ZAP70: variants seen among roughly 807,000 people sequenced by gnomAD.
The protein encoded by ZAP70 is tyrosine-protein kinase ZAP-70.
In ZAP70, 27 loss-of-function variants were observed where a neutral mutation model predicts 65.8. The ratio of observed to expected loss-of-function variants is 0.41; its 90% CI spans 0.30 to 0.57. ZAP70 has a LOEUF of 0.57. Ranked by LOEUF, ZAP70 falls within the 20% of genes least tolerant of loss-of-function variation. The pLI is 0.28. For missense variants in ZAP70, 696 were observed against 870.5 expected, an observed-to-expected ratio of 0.80 and a Z score of 2.52; for synonymous variants, 363 against 360.8, an observed-to-expected ratio of 1.01 and a Z score of -0.07.
Position 97,733,180 on chromosome 2 carries a change from C to T in ZAP70, c.758C>T (p.Ala253Val). 6.2e-7 allele frequency: 1 copy of T among 1,613,772 alleles called. No individual in the cohort carries two copies. The highest frequency in any genetic ancestry group is 2.2e-5 in the East Asian group (1 of 44,884). Residue 253 changes from alanine (A) to valine (V), a missense_variant, in exon 6 of 14, where the codon GCC becomes GTC. Ala to Val is a moderately conservative substitution (Grantham distance 64). Coordinates refer to ENST00000264972, the MANE Select transcript of ZAP70 (RefSeq NM_001079.4). ...GGGCTCATCTACTGCCTGAAGGAGG[C>T]CTGCCCCAACAGCAGTGCCAGCAAC... is the stretch of plus-strand genomic sequence containing the variant. ...ADGLIYCLKE[A>V]CPNSSASNAS...
Position 97,724,770 on chromosome 2 carries a change from C to CT in ZAP70, c.403-320dup, listed in dbSNP as rs1677312055. On this transcript the variant is annotated intron_variant, in intron 3 of 13. Transcript: ENST00000264972. ...AGGGTGCGCGGGGCTAGGGTGAGCC[C>CT]TTAGGGTAGGGTGGCTGTTGGGGAA... is the stretch of plus-strand genomic sequence containing the variant. The CT allele has an allele frequency of 3.3e-6, 5 of 1,505,680 alleles. No homozygotes were observed. The Admixed American group carries it at 1.0e-4, about 30-fold the overall frequency. The allele number at this position is 1,505,680 out of a possible 1,614,324, so 93.3% of individuals were successfully genotyped here.
intron 4 of ZAP70, among the ~76,000 whole-genome samples, chr2:97,727,440 G>C (rs1305147860): frequency 6.6e-6 from 1 of 152,136 alleles, no homozygotes; most frequent in Non-Finnish European, 1.5e-5. Context: ...GGCTGGTCCA[G>C]GTATTACCCA....
At chr2:97,748,025 A>G in the ZAP70 span, among the ~76,000 whole-genome samples, 1 of 152,010 alleles carries the variant, frequency 6.6e-6, no homozygotes, top group Non-Finnish European at 1.5e-5. Flanking sequence ...CCAGTGTGGG[A>G]AACACTGACG....
intron 2 of ZAP70, among the ~76,000 whole-genome samples, chr2:97,719,459 C>T (rs1423513292): frequency 2.7e-5 from 4 of 150,662 alleles, no homozygotes; most frequent in African/African-American, 4.9e-5. Flanking sequence ...TCATAGGTGT[C>T]GGCCATTCAG....
intron 4 of ZAP70, chr2:97,732,604 G>C (rs1021416849): frequency 3.7e-6 from 2 of 540,980 alleles, no homozygotes; most frequent in South Asian, 2.0e-5. Flanking sequence ...TCCACCGTGG[G>C]GGGTCAGGTA....
Position 97,720,133 on chromosome 2 carries a change from G to A in ZAP70, c.-21-3883G>A, listed in dbSNP as rs1208269938. 1.3e-5 allele frequency among the ~76,000 whole-genome samples: 2 copies of A among 152,140 alleles called. 1 individual carries two copies. The highest frequency in any genetic ancestry group is 3.8e-4 in the East Asian group (2 of 5,198). On this transcript the variant is annotated intron_variant, in intron 2 of 13. Transcript: ENST00000264972. ...ATTTTTGGCAACTGTGGCTAGTACG[G>A]CTATAAATGTTCCTGTGTAGGTTTT...
chr2:97,724,124 G>A lies in ZAP70; in HGVS notation c.88G>A (p.Ala30Thr). ...AEEHLKLAGM[A>T]DGLFLLRQCL... ...GGAGCACCTGAAGCTGGCGGGCATG[G>A]CGGACGGGCTCTTCCTGCTGCGCCA... Residue 30 changes from alanine (A) to threonine (T), a missense_variant, in exon 3 of 14, where the codon GCG becomes ACG. Physicochemically the swap from Ala to Thr is moderately conservative, Grantham distance 58. This residue lies in a region of ZAP70 where 551 missense variants were observed against 630.0 expected (regional missense o/e 0.87). Transcript: ENST00000264972. 1.3e-6 allele frequency: 2 copies of A among 1,567,342 alleles called. No homozygotes were observed. The highest frequency in any genetic ancestry group is 2.3e-5 in the East Asian group (1 of 42,562).
downstream of ZAP70, among the ~76,000 whole-genome samples, chr2:97,743,243 G>A (rs1292280182): frequency 1.3e-5 from 2 of 152,144 alleles, no homozygotes; most frequent in Non-Finnish European, 2.9e-5. Flanking sequence ...CTCCACTTCC[G>A]CTTCTGTGGA....
chr2:97,753,895 G>T, the ZAP70 span, among the ~76,000 whole-genome samples: 1 of 152,174 alleles, frequency 6.6e-6, no homozygotes. Flanking sequence ...AGACTGAGGT[G>T]GGAGAGCTGC....
chr2:97,721,950 A>AT (rs1573257902), intron 2 of ZAP70, among the ~76,000 whole-genome samples: 1 of 147,894 alleles, frequency 6.8e-6, no homozygotes, highest in East Asian at 2.0e-4. Flanking sequence ...TGCCCGGCTA[A>AT]TTTTTTGTAT....
the ZAP70 span, among the ~76,000 whole-genome samples, chr2:97,752,023 A>G: frequency 6.6e-6 from 1 of 152,226 alleles, no homozygotes; most frequent in African/African-American, 2.4e-5. Context: ...AAAAAGGAGT[A>G]TCTCTGTCAT....
chr2:97,754,707 T>TTTTC, the ZAP70 span, among the ~76,000 whole-genome samples: 1 of 152,122 alleles, frequency 6.6e-6, no homozygotes, highest in African/African-American at 2.4e-5. Flanking sequence ...CTGGCCCAGT[T>TTTTC]TTTCTTTGGT....
In ZAP70 at chr2:97,739,849, G is replaced by A. The variant is rs201781499; in HGVS notation, c.*351G>A. 6.2e-6 allele frequency: 2 copies of A among 321,628 alleles called. No individual in the cohort carries two copies. The highest frequency in any genetic ancestry group is 9.1e-5 in the South Asian group (2 of 21,960). The allele number at this position is 321,628 out of a possible 1,614,324, so 19.9% of individuals were successfully genotyped here. The stretch of plus-strand genomic sequence containing the variant: ...GGCGTAGATCACCAGAATAAACCCA[G>A]CTTCCCTCTTGTCTGAGCGCCCTCA... On this transcript the variant is annotated 3_prime_UTR_variant, in exon 14 of 14. Coordinates refer to ENST00000264972, the MANE Select transcript of ZAP70 (RefSeq NM_001079.4).
intron 3 of ZAP70, 74 bp downstream of exon 3, chr2:97,724,512 TAGG>T (rs1415719504): frequency 9.3e-6 from 14 of 1,513,088 alleles, no homozygotes; most frequent in Non-Finnish European, 1.2e-5. Flanking sequence ...TTTGGGGGGA[TAGG>T]AGGGAGGAAA....
At chr2:97,755,431 C>T in the ZAP70 span, among the ~76,000 whole-genome samples, 1 of 152,238 alleles carries the variant, frequency 6.6e-6, no homozygotes, top group African/African-American at 2.4e-5. Flanking sequence ...TGACTGCCAC[C>T]TGTGGCTCCA....
At chr2:97,724,770 C>G in intron 3 of ZAP70, 4 of 1,505,680 alleles carry the variant, frequency 2.7e-6, no homozygotes, top group Non-Finnish European at 3.5e-6. Context: ...AGGGTGAGCC[C>G]TTAGGGTAGG....
At chr2:97,734,833 T>C in intron 9 of ZAP70, 121 bp downstream of exon 9, 1 of 1,372,398 alleles carries the variant, frequency 7.3e-7, no homozygotes, top group Non-Finnish European at 1.0e-6. Flanking sequence ...GGAAACAGAC[T>C]CTGGGGCAGG....
Position 97,718,505 on chromosome 2 carries a change from G to A in ZAP70, c.-22+4511G>A, listed in dbSNP as rs557603722. ...AGGCCCCAGGGGTGGAAGAGGAGGCGCCCACCACCCGACCTGTGTGTGTGG... is the reference window on the plus strand; with the variant it reads ...AGGCCCCAGGGGTGGAAGAGGAGGCACCCACCACCCGACCTGTGTGTGTGG... On this transcript the variant is annotated intron_variant, in intron 2 of 13. Transcript: ENST00000264972. Among the ~76,000 whole-genome samples, 8 of 152,182 alleles carry A rather than the reference G, an allele frequency of 5.3e-5. No homozygotes were observed. The East Asian group carries it at 5.8e-4, about 11-fold the overall frequency.
At chr2:97,729,079 G>C (rs1414025163) in intron 4 of ZAP70, among the ~76,000 whole-genome samples, 1 of 152,106 alleles carries the variant, frequency 6.6e-6, no homozygotes, top group Non-Finnish European at 1.5e-5. Flanking sequence ...TCCTCTCCTG[G>C]ACTGCAGACC....
Sources: allele counts gnomAD v4.1 joint callset (sites outside exome capture counted in the v4.1 genomes callset), GRCh38; gene constraint gnomAD v4.1.1; regional missense constraint gnomAD v4.1.1; transcripts MANE v1.5; gene names NCBI Gene and HGNC (gene_info 2026-07-23, HGNC 2026-07-21).